Variants in UBE3D observed in about 807,000 individuals in gnomAD.
UBE3D encodes the protein ubiquitin protein ligase E3D, also known as E3 ubiquitin-protein ligase E3D.
UBE3D carries 48 observed loss-of-function variants against 49.6 expected under a neutral mutation model. The observed-to-expected ratio is 0.97, with a 90% confidence interval of 0.77 to 1.23. The LOEUF is 1.23. Ranked by LOEUF, UBE3D falls within the 50% of genes most tolerant of loss-of-function variation. The pLI is 0.00. For missense variants in UBE3D, 452 were observed against 468.4 expected, an observed-to-expected ratio of 0.96 and a Z score of 0.32; for synonymous variants, 189 against 174.2, an observed-to-expected ratio of 1.08 and a Z score of -0.67.
At chr6:82,905,721 C>T (rs756213614) in intron 9 of UBE3D, among the ~76,000 whole-genome samples, 13 of 152,140 alleles carry the variant, frequency 8.5e-5, no homozygotes, top group Non-Finnish European at 1.2e-4. Flanking sequence ...GCTCCTTACT[C>T]AAGTCTAGTC....
At chr6:83,002,385 C>A (rs1049369692) in intron 8 of UBE3D, among the ~76,000 whole-genome samples, 2 of 152,014 alleles carry the variant, frequency 1.3e-5, no homozygotes, top group Non-Finnish European at 2.9e-5. Context: ...AGATTAGCAC[C>A]TTTTAAAAGG....
downstream of UBE3D, among the ~76,000 whole-genome samples, chr6:82,890,115 G>A (rs2127708238): frequency 6.6e-6 from 1 of 152,202 alleles, no homozygotes; most frequent in Admixed American, 6.5e-5. Context: ...GGAGGCTAAT[G>A]TGGAACAACT....
At chr6:83,019,842 G>A (rs181878422) in intron 7 of UBE3D, among the ~76,000 whole-genome samples, 4 of 152,302 alleles carry the variant, frequency 2.6e-5, no homozygotes, top group Admixed American at 2.0e-4. Flanking sequence ...CTAGCTTTCT[G>A]TGCCCCAGGA....
intron 8 of UBE3D, among the ~76,000 whole-genome samples, chr6:82,976,940 C>T (rs1298073864): frequency 1.3e-5 from 2 of 151,638 alleles, no homozygotes; most frequent in African/African-American, 2.4e-5. Context: ...CGGTGAAACC[C>T]CGTCTCTACC....
chr6:82,992,770 A>G (rs1778981167), intron 8 of UBE3D, among the ~76,000 whole-genome samples: 1 of 152,174 alleles, frequency 6.6e-6, no homozygotes, highest in Admixed American at 6.5e-5. Flanking sequence ...AGGTTCAACA[A>G]TGAGAGGCTG....
chr6:82,962,823 T>C (rs1428128945), intron 8 of UBE3D, among the ~76,000 whole-genome samples: 1 of 152,132 alleles, frequency 6.6e-6, no homozygotes, highest in Non-Finnish European at 1.5e-5. Flanking sequence ...CCCAAAGAGA[T>C]TAAAAACCCC....
chr6:82,939,863 A>C (rs1252922102), intron 9 of UBE3D, among the ~76,000 whole-genome samples: 1 of 152,250 alleles, frequency 6.6e-6, no homozygotes, highest in African/African-American at 2.4e-5. Flanking sequence ...AACAAGAAAC[A>C]TAATTATAGA....
chr6:82,887,454 A>G (rs189694312), downstream of UBE3D, among the ~76,000 whole-genome samples: 1 of 144,714 alleles, frequency 6.9e-6, no homozygotes, highest in African/African-American at 2.7e-5. Flanking sequence ...CACACCTATA[A>G]TCCCAGCACT....
At chr6:82,951,190 C>T (rs1228237064) in intron 9 of UBE3D, among the ~76,000 whole-genome samples, 2 of 152,116 alleles carry the variant, frequency 1.3e-5, no homozygotes, top group Admixed American at 1.3e-4. Context: ...GCATTGTATG[C>T]CTGTATCAAA....
At chr6:83,007,187 GTC>G (rs1227923561) in intron 8 of UBE3D, among the ~76,000 whole-genome samples, 1 of 152,086 alleles carries the variant, frequency 6.6e-6, no homozygotes, top group Non-Finnish European at 1.5e-5. Flanking sequence ...TTATAGTTTA[GTC>G]TCTATATTCT....
At chr6:83,015,676 AG>A (rs1451769212) in intron 8 of UBE3D, among the ~76,000 whole-genome samples, 1 of 152,178 alleles carries the variant, frequency 6.6e-6, no homozygotes, top group Non-Finnish European at 1.5e-5. Flanking sequence ...GGGGCCTGCC[AG>A]GACTTTAGTC....
At chr6:83,046,675 G>GGGT (rs1373000873) in intron 3 of UBE3D, among the ~76,000 whole-genome samples, 1 of 138,970 alleles carries the variant, frequency 7.2e-6, no homozygotes, top group Non-Finnish European at 1.5e-5. Flanking sequence ...CAGTTGGCGG[G>GGGT]GGGGGTGGGC....
intron 5 of UBE3D, chr6:83,037,681 T>A (rs930775504): frequency 1.3e-5 from 2 of 152,218 alleles, no homozygotes; most frequent in Non-Finnish European, 2.9e-5. Flanking sequence ...GTATTAAAAG[T>A]AATTATTCAT....
At chr6:83,046,575 C>T (rs1275390359) in intron 3 of UBE3D, among the ~76,000 whole-genome samples, 1 of 145,418 alleles carries the variant, frequency 6.9e-6, no homozygotes, top group East Asian at 2.1e-4. Context: ...TTAAGGTACT[C>T]ATGTTCTAGT....
chr6:82,896,623 A>G (rs910458889), intron 9 of UBE3D, among the ~76,000 whole-genome samples: 1 of 152,220 alleles, frequency 6.6e-6, no homozygotes, highest in African/African-American at 2.4e-5. Context: ...TAAGTTTGGG[A>G]TGCATTAATA....
downstream of UBE3D, among the ~76,000 whole-genome samples, chr6:82,890,854 A>G (rs928708067): frequency 6.6e-6 from 1 of 152,240 alleles, no homozygotes; most frequent in Non-Finnish European, 1.5e-5. Context: ...GATCTAAATC[A>G]TAAACATACA....
chr6:82,891,624 TGC>T (rs1248813459), downstream of UBE3D, among the ~76,000 whole-genome samples: 1 of 152,116 alleles, frequency 6.6e-6, no homozygotes, highest in African/African-American at 2.4e-5. Context: ...GAATTAGGAG[TGC>T]CATACCACTG....
intron 8 of UBE3D, among the ~76,000 whole-genome samples, chr6:82,973,791 T>C (rs1777521850): frequency 2.0e-5 from 3 of 152,156 alleles, no homozygotes; most frequent in African/African-American, 7.2e-5. Flanking sequence ...CGAAGTTTCA[T>C]CTGAATTTAC....
chr6:83,013,846 A>C (rs55667265), intron 8 of UBE3D, among the ~76,000 whole-genome samples: 6,032 of 152,282 alleles, frequency 0.04, 210 homozygotes, highest in African/African-American at 0.091. Flanking sequence ...GGATTCAATC[A>C]GCATAATGTC....
Sources: gnomAD v4.1 joint callset for allele counts (sites outside exome capture counted in the v4.1 genomes callset) on GRCh38, gnomAD v4.1.1 for gene constraint, MANE v1.5 for transcripts, NCBI Gene and HGNC (gene_info 2026-07-23, HGNC 2026-07-21) for gene names.